Variants in KCNQ5 observed in about 807,000 individuals in gnomAD.
KCNQ5 encodes potassium voltage-gated channel subfamily Q member 5, also known as potassium voltage-gated channel subfamily KQT member 5.
Under a neutral mutation model 98.2 loss-of-function variants are expected in KCNQ5, and 30 were observed. That is an observed-to-expected ratio of 0.31 (90% confidence interval 0.23 to 0.41). The LOEUF is 0.41. Ranked by LOEUF, KCNQ5 falls within the 10% of genes least tolerant of loss-of-function variation. The pLI is 1.00. For missense variants in KCNQ5, 835 were observed against 1,182.5 expected (o/e 0.71, Z 4.31); for synonymous variants, 458 against 449.4 (o/e 1.02, Z -0.24).
chr6:72,650,852 A>G (rs1226450150), intron 1 of KCNQ5, among the ~76,000 whole-genome samples: 1 of 152,092 alleles, frequency 6.6e-6, no homozygotes, highest in Non-Finnish European at 1.5e-5. Flanking sequence ...AGTGTGCATC[A>G]ACCTAGAGAT....
intron 1 of KCNQ5, among the ~76,000 whole-genome samples, chr6:72,950,806 G>C (rs553199621): frequency 1.5e-4 from 23 of 152,298 alleles, no homozygotes; most frequent in African/African-American, 5.3e-4. Flanking sequence ...CCATATCATG[G>C]AAGGGGGAAA....
At chr6:72,877,174 C>T (rs556423661) in intron 1 of KCNQ5, among the ~76,000 whole-genome samples, 53 of 152,170 alleles carry the variant, frequency 3.5e-4, no homozygotes, top group African/African-American at 1.3e-3. Context: ...TTTTAAGCCC[C>T]GCATGCATTA....
In KCNQ5 at chr6:72,622,284, T is replaced by C. The variant is rs2098915614; in HGVS notation, c.95T>C (p.Leu32Ser). The change falls in exon 1 of 14, where the codon TTG becomes TCG. Residue 32 changes from leucine (L) to serine (S), a missense_variant. Coordinates refer to ENST00000370398, the MANE Select transcript of KCNQ5 (RefSeq NM_019842.4). This position sits in a 1 kb window ranked among gnomAD's most constrained non-coding sequence, Gnocchi z 6.0. ...GCGGCGGCGGCGGGCGGGGGGCGCTTGGGCAGCGGCATGAAGGATGTGGAG... is the reference window on the plus strand; with the variant it reads ...GCGGCGGCGGCGGGCGGGGGGCGCTCGGGCAGCGGCATGAAGGATGTGGAG... ...AAAAAAGGGR[L>S]GSGMKDVESG... is the part of the protein sequence containing the mutation. 1.6e-6 allele frequency: 2 copies of C among 1,284,198 alleles called. No homozygotes were observed. Among genetic ancestry groups the C allele is most frequent in the South Asian group, 5.7e-5 (2 of 35,118 alleles). The allele number at this position is 1,284,198 out of a possible 1,614,324, so 79.6% of individuals were successfully genotyped here. A position where few individuals can be genotyped will look rare whatever the true frequency, so the allele number is the denominator to read the frequency against.
chr6:72,790,477 TA>T (rs1473740311), intron 1 of KCNQ5, among the ~76,000 whole-genome samples: 3 of 152,086 alleles, frequency 2.0e-5, no homozygotes, highest in African/African-American at 7.2e-5. Flanking sequence ...AGATAGAGAA[TA>T]AAAGGATAGT....
chr6:73,158,323 A>C (rs1392699036), intron 10 of KCNQ5, among the ~76,000 whole-genome samples: 6 of 147,014 alleles, frequency 4.1e-5, no homozygotes, highest in African/African-American at 1.5e-4. Flanking sequence ...GCTGGGGTGC[A>C]ATGGCGCGAT....
At chr6:72,888,166 A>G (rs1299851727) in intron 1 of KCNQ5, among the ~76,000 whole-genome samples, 1 of 152,180 alleles carries the variant, frequency 6.6e-6, no homozygotes, top group African/African-American at 2.4e-5. Context: ...CTACAAGAAG[A>G]AACTAGCAGA....
At chr6:72,679,115 A>G (rs535570824) in intron 1 of KCNQ5, among the ~76,000 whole-genome samples, 1 of 152,326 alleles carries the variant, frequency 6.6e-6, no homozygotes, top group African/African-American at 2.4e-5. Flanking sequence ...GTTTTGGGAA[A>G]TGATGATGAT....
intron 1 of KCNQ5, among the ~76,000 whole-genome samples, chr6:72,749,283 T>G (rs1358905005): frequency 6.6e-6 from 1 of 152,152 alleles, no homozygotes; most frequent in African/African-American, 2.4e-5. Flanking sequence ...TTTATCCAGC[T>G]AGTTAGAGTG....
chr6:73,083,418 C>T lies in KCNQ5; in HGVS notation c.918+5531C>T, dbSNP rs370461223. Among the ~76,000 whole-genome samples, 124 of 152,098 alleles carry T rather than the reference C, an allele frequency of 8.2e-4. 1 individual carries two copies. In the South Asian group the frequency reaches 0.025, roughly 31 times the overall value. On this transcript the variant is annotated intron_variant, in intron 5 of 13. Coordinates refer to ENST00000370398, the MANE Select transcript of KCNQ5 (RefSeq NM_019842.4). ...ACACACAACTATGTGGGGGAAAAAT[C>T]TTAAATATTTAGGACTCTGTTCTCA... is the stretch of plus-strand genomic sequence containing the variant.
intron 1 of KCNQ5, among the ~76,000 whole-genome samples, chr6:72,661,044 C>G (rs1296104724): frequency 6.6e-6 from 1 of 151,990 alleles, no homozygotes; most frequent in East Asian, 1.9e-4. Context: ...ATTTCATCCA[C>G]TACCCAGTTT....
rs183293574 is a variant in KCNQ5, at chr6:73,136,416, C to G, written c.1468+2775C>G. ...ATTTTCAGTATCTGCAAAGATGTCT[C>G]AGAGGTACAGAAACAGAAGTCCTAT... On this transcript the variant is annotated intron_variant, in intron 10 of 13. Transcript: ENST00000370398. 2.4e-4 allele frequency among the ~76,000 whole-genome samples: 36 copies of G among 152,322 alleles called. No homozygotes were observed. In the East Asian group the frequency reaches 6.7e-3, roughly 29 times the overall value.
At chr6:73,039,266 C>G (rs1188743700) in intron 2 of KCNQ5, among the ~76,000 whole-genome samples, 4 of 152,028 alleles carry the variant, frequency 2.6e-5, no homozygotes, top group Non-Finnish European at 4.4e-5. Flanking sequence ...TCTCAAGGAA[C>G]CACTTTTTTG....
At chr6:72,642,324 T>C (rs1472648678) in intron 1 of KCNQ5, among the ~76,000 whole-genome samples, 1 of 152,054 alleles carries the variant, frequency 6.6e-6, no homozygotes, top group Non-Finnish European at 1.5e-5. Flanking sequence ...CTTATTTATT[T>C]ATTTATCAAC....
rs575614778 is a variant in KCNQ5 at position 72,740,018 on chromosome 6, G to T, written c.398+117431G>T. Among the ~76,000 whole-genome samples the T allele has an allele frequency of 2.0e-5, 3 of 152,186 alleles. No individual in the cohort carries two copies. In the East Asian group the frequency reaches 5.8e-4, roughly 29 times the overall value. On this transcript the variant is annotated intron_variant, in intron 1 of 13. Coordinates refer to ENST00000370398, the MANE Select transcript of KCNQ5 (RefSeq NM_019842.4). ...AGACTTACTTGGATTATCTGCTCAG[G>T]GTCTCACTTGGTTGAAATCAAGGTG...
intron 1 of KCNQ5, among the ~76,000 whole-genome samples, chr6:72,797,415 G>C (rs1287971366): frequency 6.7e-6 from 1 of 149,670 alleles, no homozygotes; most frequent in Non-Finnish European, 1.5e-5. Context: ...TGAGGTGGGA[G>C]AACCACCTGA....
At chr6:73,057,685 A>G (rs962389027) in intron 3 of KCNQ5, among the ~76,000 whole-genome samples, 2 of 152,166 alleles carry the variant, frequency 1.3e-5, no homozygotes, top group African/African-American at 4.8e-5. Flanking sequence ...GCCCAAAGCA[A>G]TTTACAGATT....
At chr6:72,878,295 C>T (rs1387328669) in intron 1 of KCNQ5, among the ~76,000 whole-genome samples, 1 of 152,032 alleles carries the variant, frequency 6.6e-6, no homozygotes, top group African/African-American at 2.4e-5. Flanking sequence ...AAAGAAAATC[C>T]ATAGATGCCT....
At chr6:72,763,112 A>G (rs1772372913) in intron 1 of KCNQ5, among the ~76,000 whole-genome samples, 1 of 152,062 alleles carries the variant, frequency 6.6e-6, no homozygotes, top group Non-Finnish European at 1.5e-5. Context: ...TCACTTATTT[A>G]TTACAAACAT....
intron 5 of KCNQ5, among the ~76,000 whole-genome samples, chr6:73,091,898 T>C (rs2150405777): frequency 6.6e-6 from 1 of 152,258 alleles, no homozygotes; most frequent in Middle Eastern, 3.4e-3. Flanking sequence ...GAAATTGCAT[T>C]GAATTTGTAG....
Sources: gnomAD v4.1 joint callset for allele counts (sites outside exome capture counted in the v4.1 genomes callset) on GRCh38, gnomAD v4.1.1 for gene constraint, Gnocchi (gnomAD v3.1) non-coding constraint, MANE v1.5 for transcripts, NCBI Gene and HGNC (gene_info 2026-07-23, HGNC 2026-07-21) for gene names.